Variants in CLASP2 observed in about 807,000 individuals in gnomAD.
The protein encoded by CLASP2 is cytoplasmic linker associated protein 2.
In CLASP2, 47 loss-of-function variants were observed where a neutral mutation model predicts 194.4. The ratio of observed to expected loss-of-function variants is 0.24; its 90% CI spans 0.19 to 0.31. The LOEUF (loss-of-function observed/expected upper bound fraction) is 0.31. CLASP2 is among the 10% of genes least tolerant of loss of function. The pLI is 1.00. For missense variants in CLASP2, 1,445 were observed against 1,823.6 expected (o/e 0.79, Z 3.78); for synonymous variants, 619 against 633.5 (o/e 0.98, Z 0.34).
intron 21 of CLASP2, among the ~76,000 whole-genome samples, chr3:33,586,125 CTTTTCT>C (rs1162680617): frequency 1.3e-5 from 2 of 151,834 alleles, no homozygotes; most frequent in African/African-American, 2.4e-5. Flanking sequence ...GAATCAGATC[CTTTTCT>C]TTCTTTTCTT....
intron 6 of CLASP2, among the ~76,000 whole-genome samples, chr3:33,670,708 T>C (rs1443581136): frequency 6.6e-6 from 1 of 152,106 alleles, no homozygotes; most frequent in African/African-American, 2.4e-5. Flanking sequence ...ACCTGACCTG[T>C]AGTTAACAAA....
At chr3:33,690,017 T>A in intron 2 of CLASP2, 85 bp from the exon 3 acceptor site, 2 of 818,984 alleles carry the variant, frequency 2.4e-6, no homozygotes, top group Non-Finnish European at 3.6e-6. Flanking sequence ...CAAATAGCAA[T>A]TGTTTCCATA....
intron 25 of CLASP2, among the ~76,000 whole-genome samples, chr3:33,571,590 G>A (rs1279211283): frequency 1.3e-5 from 2 of 151,564 alleles, no homozygotes; most frequent in Non-Finnish European, 2.9e-5. Flanking sequence ...AGCTGAGATT[G>A]TGCCACTGTA....
intron 23 of CLASP2, among the ~76,000 whole-genome samples, chr3:33,577,982 C>T (rs2065252358): frequency 6.6e-6 from 1 of 152,110 alleles, no homozygotes; most frequent in Non-Finnish European, 1.5e-5. Context: ...AGTACATAAT[C>T]TATGTTATTT....
intron 8 of CLASP2, among the ~76,000 whole-genome samples, chr3:33,643,484 A>G (rs2081702757): frequency 6.6e-6 from 1 of 151,984 alleles, no homozygotes; most frequent in African/African-American, 2.4e-5. Context: ...TAACATTTGG[A>G]TGAGAATACA....
chr3:33,602,305 A>C, intron 18 of CLASP2: 1 of 509,770 alleles, frequency 2.0e-6, no homozygotes. Flanking sequence ...GTGCTCAAAA[A>C]GTTTCAGATT....
intron 21 of CLASP2, among the ~76,000 whole-genome samples, chr3:33,587,456 T>C (rs373588339): frequency 1.3e-5 from 2 of 152,330 alleles, no homozygotes; most frequent in African/African-American, 4.8e-5. Context: ...TTTCTTGGAA[T>C]GGTCTTGCTG....
intron 34 of CLASP2, among the ~76,000 whole-genome samples, chr3:33,526,400 GAA>G (rs2154118790): frequency 6.6e-6 from 1 of 152,274 alleles, no homozygotes; most frequent in Admixed American, 6.5e-5. Flanking sequence ...TTACATAATG[GAA>G]AAGGGTTCAA....
chr3:33,622,833 T>G (rs182657532), intron 10 of CLASP2, among the ~76,000 whole-genome samples: 1 of 151,062 alleles, frequency 6.6e-6, no homozygotes, highest in Non-Finnish European at 1.5e-5. Context: ...TTTGAGACAG[T>G]GTCTTGCTCT....
In CLASP2 at chr3:33,663,618, A is replaced by G; in HGVS notation, c.645-103T>C. ...TCCCTTAGAAAAAACAATTGTAGGG[A>G]TTCAGCTAGTTTTCTATACAACTCT... is the stretch of plus-strand genomic sequence containing the variant. On this transcript the variant is annotated intron_variant, in intron 6 of 38. Transcript: ENST00000682230. 5.3e-6 allele frequency: 4 copies of G among 753,108 alleles called. No individual in the cohort carries two copies. The South Asian group carries it at 7.1e-5, about 13-fold the overall frequency. The allele number at this position is 753,108 out of a possible 1,614,324, so 46.7% of individuals were successfully genotyped here.
intron 34 of CLASP2, among the ~76,000 whole-genome samples, chr3:33,524,795 G>A (rs2054052541): frequency 6.6e-6 from 1 of 152,200 alleles, no homozygotes. Context: ...AAACATGTAT[G>A]CAGCTAATGA....
chr3:33,549,027 G>C (rs549420228), intron 30 of CLASP2, among the ~76,000 whole-genome samples: 75 of 151,400 alleles, frequency 5.0e-4, no homozygotes, highest in African/African-American at 1.7e-3. Flanking sequence ...CCCACCTTGG[G>C]ATTACAGGTG....
chr3:33,528,797 A>G (rs2055329846), intron 34 of CLASP2, among the ~76,000 whole-genome samples: 1 of 151,884 alleles, frequency 6.6e-6, no homozygotes. Flanking sequence ...AAAGAAGGAA[A>G]GAAAGAAAGG....
At chr3:33,539,751 C>T (rs774700218) in intron 32 of CLASP2, among the ~76,000 whole-genome samples, 13 of 152,082 alleles carry the variant, frequency 8.5e-5, no homozygotes, top group Non-Finnish European at 1.8e-4. Context: ...TGAGAAGAGA[C>T]TCTAAGACCA....
intron 34 of CLASP2, among the ~76,000 whole-genome samples, chr3:33,532,542 A>C (rs1237562877): frequency 6.6e-6 from 1 of 152,230 alleles, no homozygotes; most frequent in Non-Finnish European, 1.5e-5. Flanking sequence ...GTATTTTAAC[A>C]CAGCAAAACA....
At chr3:33,693,958 G>A (rs1470853176) in intron 2 of CLASP2, among the ~76,000 whole-genome samples, 2 of 152,136 alleles carry the variant, frequency 1.3e-5, no homozygotes, top group East Asian at 3.9e-4. Flanking sequence ...AATTTATTAA[G>A]TATTTAACTG....
In CLASP2 at chr3:33,635,253, G is replaced by A. The variant is rs181026669; in HGVS notation, c.863-2882C>T. Among the ~76,000 whole-genome samples, 71 of 151,794 alleles carry A rather than the reference G, an allele frequency of 4.7e-4. No homozygotes were observed. In the Middle Eastern group the frequency reaches 0.02, roughly 44 times the overall value. On this transcript the variant is annotated intron_variant, in intron 8 of 38. Transcript: ENST00000682230. ...TGCACTCCAGCCTGGGTGACAGAGCGAGACTCTGTCTCAAAAAAGAAAAAA... is the reference window on the plus strand; with the variant it reads ...TGCACTCCAGCCTGGGTGACAGAGCAAGACTCTGTCTCAAAAAAGAAAAAA...
In CLASP2 at chr3:33,514,956, T is replaced by A. The variant is rs1025115817; in HGVS notation, c.4110+1067A>T. 4.6e-5 allele frequency among the ~76,000 whole-genome samples: 7 copies of A among 152,214 alleles called. No homozygotes were observed. In the East Asian group the frequency reaches 5.8e-4, roughly 13 times the overall value. On this transcript the variant is annotated intron_variant, in intron 36 of 38. Transcript: ENST00000682230. ...GGAATTGGCGATCTTTTATTCTAAGTGAAGTAACTCAGGAATGGAAAACCA... is the reference window on the plus strand; with the variant it reads ...GGAATTGGCGATCTTTTATTCTAAGAGAAGTAACTCAGGAATGGAAAACCA...
At chr3:33,550,191 G>A (rs778421113) in intron 30 of CLASP2, among the ~76,000 whole-genome samples, 1 of 151,938 alleles carries the variant, frequency 6.6e-6, no homozygotes, top group South Asian at 2.1e-4. Context: ...ATCACTTGAG[G>A]ACAGGAGTTT....
Sources: gnomAD v4.1 joint callset for allele counts (sites outside exome capture counted in the v4.1 genomes callset) on GRCh38, gnomAD v4.1.1 for gene constraint, MANE v1.5 for transcripts, NCBI Gene and HGNC (gene_info 2026-07-23, HGNC 2026-07-21) for gene names.